The following NPTN variants were observed in gnomAD, a reference collection of about 807,000 sequenced individuals.
NPTN encodes SDR-1.
In NPTN, 5 loss-of-function variants were observed where a neutral mutation model predicts 42.7. That is an observed-to-expected ratio of 0.12 (90% CI 0.06 to 0.25). The LOEUF is 0.25. NPTN is among the 10% of genes least tolerant of loss of function. NPTN has a pLI of 1.00. For synonymous variants in NPTN, 180 were observed against 201.9 expected (o/e 0.89, Z 0.92); for missense variants, 307 against 525.4 (o/e 0.58, Z 4.06).
intron 4 of NPTN, among the ~76,000 whole-genome samples, chr15:73,587,215 G>A (rs2039983282): frequency 6.6e-6 from 1 of 152,162 alleles, no homozygotes; most frequent in Admixed American, 6.5e-5. Context: ...ATTTTATGCA[G>A]TTCAATCTAT....
chr15:73,568,867 A>G (rs1895201284), intron 6 of NPTN: 1 of 985,374 alleles, frequency 1.0e-6, no homozygotes, highest in Non-Finnish European at 1.2e-6. Context: ...GAGATTTATA[A>G]CTGCTGAGAA....
chr15:73,570,393 T>C lies in NPTN; in HGVS notation c.871A>G (p.Ile291Val). 9 of 1,613,502 alleles carry C rather than the reference T, an allele frequency of 5.6e-6. No homozygotes were observed. The highest frequency in any genetic ancestry group is 6.8e-6 in the Non-Finnish European group (8 of 1,179,968). ...TCAGTGTAATTTTCCTTGTTGATGA[T>C]GAAGAAGCGGCCAGAGGTATTGACA... ...DIVNTSGRFF[I>V]INKENYTELN... The change falls in exon 6 of 9, where the codon ATC becomes GTC. Residue 291 changes from isoleucine (I) to valine (V), a missense_variant. Around this residue, in one of 2 missense-constraint regions of NPTN, gnomAD observed 264 missense variants for 491.1 expected, o/e 0.54. Coordinates refer to ENST00000345330, the MANE Select transcript of NPTN (RefSeq NM_012428.4). This position sits in a 1 kb window ranked among gnomAD's most constrained non-coding sequence, Gnocchi z 4.0.
intron 4 of NPTN, among the ~76,000 whole-genome samples, chr15:73,586,198 T>C (rs1369644519): frequency 1.3e-5 from 2 of 152,240 alleles, no homozygotes; most frequent in East Asian, 1.9e-4. Context: ...CCAGGAATGC[T>C]GCACGGCCTC....
intron 1 of NPTN, among the ~76,000 whole-genome samples, chr15:73,632,426 T>C (rs998298612): frequency 2.0e-5 from 3 of 151,856 alleles, no homozygotes; most frequent in African/African-American, 7.3e-5. Context: ...CTCCACCCTC[T>C]TTAGCAAACC....
At chr15:73,578,633 T>C (rs939963094) in intron 4 of NPTN, among the ~76,000 whole-genome samples, 1 of 152,182 alleles carries the variant, frequency 6.6e-6, no homozygotes, top group Admixed American at 6.5e-5. Flanking sequence ...GAAACAGTGG[T>C]GGTAAAAACC....
chr15:73,563,744 T>C (rs933186483), intron 6 of NPTN, among the ~76,000 whole-genome samples: 1 of 152,254 alleles, frequency 6.6e-6, no homozygotes, highest in African/African-American at 2.4e-5. Flanking sequence ...AAGGGCACTC[T>C]GTTTTTCTTG....
chr15:73,585,470 G>C (rs569845767), intron 4 of NPTN, among the ~76,000 whole-genome samples: 1 of 152,358 alleles, frequency 6.6e-6, no homozygotes, highest in South Asian at 2.1e-4. Flanking sequence ...TTGGAGGTTA[G>C]CTTAGAATAT....
chr15:73,620,652 T>C (rs1385771878), intron 1 of NPTN, among the ~76,000 whole-genome samples: 1 of 152,238 alleles, frequency 6.6e-6, no homozygotes, highest in Non-Finnish European at 1.5e-5. Context: ...ACACAAAGTA[T>C]TCTTGCATGA....
intron 4 of NPTN, among the ~76,000 whole-genome samples, chr15:73,578,409 G>C (rs1436297170): frequency 6.6e-6 from 1 of 152,066 alleles, no homozygotes; most frequent in African/African-American, 2.4e-5. Flanking sequence ...AGGAGAAATG[G>C]TGAGATTCCA....
intron 1 of NPTN, among the ~76,000 whole-genome samples, chr15:73,606,772 T>C (rs529685852): frequency 6.6e-6 from 1 of 152,168 alleles, no homozygotes; most frequent in Non-Finnish European, 1.5e-5. Flanking sequence ...GAAAACAATA[T>C]ACTAGAAAGC....
chr15:73,618,430 CCT>C (rs1242195918), intron 1 of NPTN, among the ~76,000 whole-genome samples: 1 of 152,132 alleles, frequency 6.6e-6, no homozygotes, highest in African/African-American at 2.4e-5. Flanking sequence ...GGAACCACTA[CCT>C]CTCTGTCTAA....
chr15:73,600,546 A>G (rs557664227), intron 1 of NPTN, among the ~76,000 whole-genome samples: 1 of 152,216 alleles, frequency 6.6e-6, no homozygotes, highest in South Asian at 2.1e-4. Context: ...GTCACAAGCT[A>G]ATAACAAAGA....
intron 1 of NPTN, among the ~76,000 whole-genome samples, chr15:73,615,682 A>G (rs1386203011): frequency 6.6e-6 from 1 of 152,206 alleles, no homozygotes; most frequent in Non-Finnish European, 1.5e-5. Context: ...TGAATTACCT[A>G]TACAAAAAGT....
chr15:73,622,746 A>G (rs376285909), intron 1 of NPTN, among the ~76,000 whole-genome samples: 14 of 152,228 alleles, frequency 9.2e-5, no homozygotes, highest in Admixed American at 8.5e-4. Context: ...TTCTTTTAAT[A>G]CACAAAAACC....
intron 2 of NPTN, among the ~76,000 whole-genome samples, chr15:73,595,671 A>G (rs1896802896): frequency 6.6e-6 from 1 of 152,226 alleles, no homozygotes; most frequent in Non-Finnish European, 1.5e-5. Flanking sequence ...AACTGGCTAT[A>G]GATCTCTCAT....
At chr15:73,613,027 C>A (rs923515190) in intron 1 of NPTN, among the ~76,000 whole-genome samples, 3 of 152,192 alleles carry the variant, frequency 2.0e-5, no homozygotes, top group African/African-American at 4.8e-5. Context: ...GACAGGGCAA[C>A]AGGCACAAAC....
chr15:73,631,673 A>T (rs1898751580), intron 1 of NPTN, among the ~76,000 whole-genome samples: 1 of 152,222 alleles, frequency 6.6e-6, no homozygotes, highest in African/African-American at 2.4e-5. Context: ...AACAATAAAC[A>T]ATGAAAGATT....
chr15:73,584,074 C>A (rs1301488057), intron 4 of NPTN, among the ~76,000 whole-genome samples: 1 of 152,204 alleles, frequency 6.6e-6, no homozygotes, highest in East Asian at 1.9e-4. Flanking sequence ...CTGGCTCTCT[C>A]AGCAGCCAAA....
intron 4 of NPTN, among the ~76,000 whole-genome samples, chr15:73,581,525 T>C (rs1394928372): frequency 1.3e-5 from 2 of 152,172 alleles, no homozygotes; most frequent in Non-Finnish European, 2.9e-5. Context: ...ATCCCTCCAG[T>C]ATCCTAATAA....
Sources: allele counts gnomAD v4.1 joint callset (sites outside exome capture counted in the v4.1 genomes callset), GRCh38; gene constraint gnomAD v4.1.1; regional missense constraint gnomAD v4.1.1; non-coding constraint Gnocchi (gnomAD v3.1); transcripts MANE v1.5; gene names NCBI Gene and HGNC (gene_info 2026-07-23, HGNC 2026-07-21).